The following PREX2 variants were observed in gnomAD, a reference collection of about 807,000 sequenced individuals.
PREX2 encodes phosphatidylinositol-3,4,5-trisphosphate dependent Rac exchange factor 2, also known as phosphatidylinositol 3,4,5-trisphosphate-dependent Rac exchanger 2 protein.
In PREX2, 107 loss-of-function variants were observed where a neutral mutation model predicts 203.2. That is an observed-to-expected ratio of 0.53 (90% CI 0.45 to 0.62). PREX2 has a LOEUF of 0.62. Ranked by LOEUF, PREX2 falls within the 20% of genes least tolerant of loss-of-function variation. The pLI, the probability that PREX2 is intolerant of heterozygous loss-of-function variation, is 0.00. For missense variants in PREX2, 1,777 were observed against 1,955.9 expected, an observed-to-expected ratio of 0.91 and a Z score of 1.72; for synonymous variants, 672 against 663.6, an observed-to-expected ratio of 1.01 and a Z score of -0.19.
intron 37 of PREX2, among the ~76,000 whole-genome samples, chr8:68,215,257 C>A (rs1159551624): frequency 6.6e-6 from 1 of 152,048 alleles, no homozygotes; most frequent in Non-Finnish European, 1.5e-5. Context: ...TGTTAAAAAC[C>A]CTTCACAGTG....
chr8:68,125,472 C>A (rs1196485944), intron 30 of PREX2, among the ~76,000 whole-genome samples: 1 of 152,004 alleles, frequency 6.6e-6, no homozygotes, highest in African/African-American at 2.4e-5. Flanking sequence ...CAGTGCTATT[C>A]AAAAATTGTA....
chr8:68,102,061 A>T (rs1262446594), intron 23 of PREX2, among the ~76,000 whole-genome samples: 2 of 152,214 alleles, frequency 1.3e-5, no homozygotes, highest in Non-Finnish European at 2.9e-5. Context: ...GAAGCTTTTA[A>T]GGCGCAGATG....
At chr8:68,069,262 G>A in intron 12 of PREX2, 126 bp downstream of exon 12, 3 of 578,838 alleles carry the variant, frequency 5.2e-6, no homozygotes, top group South Asian at 2.2e-5. Flanking sequence ...ATATATACAA[G>A]CAAGCCTCTT....
chr8:68,109,882 C>G (rs908802103), intron 25 of PREX2, among the ~76,000 whole-genome samples: 3 of 152,030 alleles, frequency 2.0e-5, no homozygotes, highest in Admixed American at 2.0e-4. Flanking sequence ...CTAAATGAGT[C>G]TCAGTGTAAA....
chr8:68,010,697 A>C (rs896747399), intron 1 of PREX2, among the ~76,000 whole-genome samples: 3 of 152,190 alleles, frequency 2.0e-5, no homozygotes, highest in Non-Finnish European at 2.9e-5. Flanking sequence ...ATAAATGCTC[A>C]CCACAGAGCT....
At chr8:68,024,766 A>G (rs1224286626) in intron 4 of PREX2, among the ~76,000 whole-genome samples, 2 of 151,660 alleles carry the variant, frequency 1.3e-5, no homozygotes, top group East Asian at 1.9e-4. Context: ...TTTATGTACC[A>G]TTTTGATTCC....
At chr8:68,226,921 C>G (rs929114212) in intron 39 of PREX2, among the ~76,000 whole-genome samples, 3 of 152,148 alleles carry the variant, frequency 2.0e-5, no homozygotes, top group African/African-American at 7.2e-5. Context: ...TGCAATAGTA[C>G]CAAGGACCAC....
chr8:68,164,827 C>T (rs1811728174), intron 35 of PREX2, among the ~76,000 whole-genome samples: 2 of 151,626 alleles, frequency 1.3e-5, no homozygotes, highest in Non-Finnish European at 2.9e-5. Context: ...GGTGATCTGC[C>T]CGCCTTGGCC....
At chr8:68,117,727 T>C (rs1426399798) in intron 26 of PREX2, among the ~76,000 whole-genome samples, 1 of 152,230 alleles carries the variant, frequency 6.6e-6, no homozygotes, top group Non-Finnish European at 1.5e-5. Flanking sequence ...CACAAACATA[T>C]TGAACCTTTC....
chr8:68,195,449 A>G (rs150648986), intron 37 of PREX2, among the ~76,000 whole-genome samples: 17 of 152,344 alleles, frequency 1.1e-4, no homozygotes, highest in Non-Finnish European at 1.8e-4. Context: ...TTATTTTTCC[A>G]TTATGCAGAA....
Position 68,178,889 on chromosome 8 carries a change from AT to A in PREX2, c.4347-12832del, listed in dbSNP as rs551800120. Among the ~76,000 whole-genome samples, 192 of 152,334 alleles carry A rather than the reference AT, an allele frequency of 1.3e-3. 1 individual carries two copies. Among genetic ancestry groups the A allele is most frequent in the African/African-American group, 4.3e-3 (180 of 41,588 alleles). On this transcript the variant is annotated intron_variant, in intron 35 of 39. Transcript: ENST00000288368. Reference sequence around the variant, plus strand: ...TTGTATTGCAATCAATAAATTACATATAAAAACATCAATTTTATTTCTCTAA... The same window carrying A: ...TTGTATTGCAATCAATAAATTACATAAAAAACATCAATTTTATTTCTCTAA...
chr8:68,074,660 TGAA>T (rs1226265240), intron 14 of PREX2, among the ~76,000 whole-genome samples: 1 of 145,966 alleles, frequency 6.9e-6, no homozygotes, highest in Non-Finnish European at 1.5e-5. Context: ...TAATCTAACA[TGAA>T]GAAGAGGTTT....
intron 31 of PREX2, among the ~76,000 whole-genome samples, chr8:68,129,168 T>C (rs984517116): frequency 3.3e-5 from 5 of 152,214 alleles, no homozygotes; most frequent in African/African-American, 9.6e-5. Context: ...AACACTGACG[T>C]TGGAGCATCT....
At chr8:67,963,603 C>T (rs536307318) in intron 1 of PREX2, among the ~76,000 whole-genome samples, 7 of 152,090 alleles carry the variant, frequency 4.6e-5, no homozygotes, top group East Asian at 1.9e-4. Context: ...CCCCAGATTA[C>T]GCTAAAACTG....
At chr8:68,188,879 A>T (rs1812241757) in intron 35 of PREX2, among the ~76,000 whole-genome samples, 1 of 152,312 alleles carries the variant, frequency 6.6e-6, no homozygotes, top group African/African-American at 2.4e-5. Flanking sequence ...AGAAACAAAA[A>T]TGTCAAGTTA....
chr8:68,025,895 G>C (rs1807702943), intron 4 of PREX2, among the ~76,000 whole-genome samples: 1 of 152,066 alleles, frequency 6.6e-6, no homozygotes. Context: ...AATAAAAGTG[G>C]GCTAGACAGC....
chr8:67,954,675 C>T (rs1328300893), intron 1 of PREX2, among the ~76,000 whole-genome samples: 1 of 152,152 alleles, frequency 6.6e-6, no homozygotes, highest in African/African-American at 2.4e-5. Context: ...TAGTTTACTC[C>T]TAAGTCAAAT....
At chr8:68,184,511 G>C (rs925931651) in intron 35 of PREX2, among the ~76,000 whole-genome samples, 1 of 152,142 alleles carries the variant, frequency 6.6e-6, no homozygotes, top group Non-Finnish European at 1.5e-5. Flanking sequence ...ATACCGTTTA[G>C]AATATTTTGG....
In PREX2 at chr8:68,000,375, G is replaced by T. The variant is rs1372761997; in HGVS notation, c.142-17471G>T. On this transcript the variant is annotated intron_variant, in intron 1 of 39. Coordinates refer to ENST00000288368, the MANE Select transcript of PREX2 (RefSeq NM_024870.4). ...GTTGCCACAAAACAAACAAACGTAG[G>T]TATACACCTACCCAGGGAGTTGAAA... 3.3e-5 allele frequency among the ~76,000 whole-genome samples: 5 copies of T among 152,018 alleles called. No homozygotes were observed. The East Asian group carries it at 5.8e-4, about 18-fold the overall frequency.
Sources: gnomAD v4.1 joint callset for allele counts (sites outside exome capture counted in the v4.1 genomes callset) on GRCh38, gnomAD v4.1.1 for gene constraint, MANE v1.5 for transcripts, NCBI Gene and HGNC (gene_info 2026-07-23, HGNC 2026-07-21) for gene names.